Variants in ZFAT observed in about 807,000 individuals in gnomAD.
ZFAT encodes zinc finger and AT-hook domain containing, also known as zinc finger protein ZFAT.
Under a neutral mutation model 117.7 loss-of-function variants are expected in ZFAT, and 64 were observed. The ratio of observed to expected loss-of-function variants is 0.54; its 90% CI spans 0.44 to 0.67. ZFAT has a LOEUF of 0.67. Among genes scored for constraint, ZFAT ranks in the 30% least tolerant of loss-of-function variants. ZFAT has a pLI of 0.00. For synonymous variants in ZFAT, 679 were observed against 615.0 expected (o/e 1.10, Z -1.54); for missense variants, 1,433 against 1,584.5 (o/e 0.90, Z 1.62).
chr8:134,588,246 C>T lies in ZFAT; in HGVS notation c.2713G>A (p.Gly905Ser). The change falls in exon 9 of 16, where the codon GGT becomes AGT. Residue 905 changes from glycine (G) to serine (S), a missense_variant and splice_region_variant. Physicochemically the swap from Gly to Ser is moderately conservative, Grantham distance 56. Around this residue, in one of 5 missense-constraint regions of ZFAT, gnomAD observed 503 missense variants for 543.4 expected, o/e 0.93. Transcript: ENST00000377838. The stretch of plus-strand genomic sequence containing the variant: ...CCAATTTGGAAAGATGAATACTCAC[C>T]TTCATGAGCCCAAATATGACGCTGA... ...DLQRHIWAHEGVKPFKCSLCE... is the reference protein window; with the variant it reads ...DLQRHIWAHESVKPFKCSLCE... The T allele has an allele frequency of 3.8e-6, 6 of 1,558,914 alleles. No homozygotes were observed. Among genetic ancestry groups the T allele is most frequent in the Non-Finnish European group, 5.2e-6 (6 of 1,151,348 alleles).
At chr8:134,604,444 T>A (rs76435481) in intron 5 of ZFAT, among the ~76,000 whole-genome samples, 1 of 152,210 alleles carries the variant, frequency 6.6e-6, no homozygotes, top group African/African-American at 2.4e-5. Flanking sequence ...GGCCAAGCCT[T>A]GTTTCTGAAA....
chr8:134,493,064 T>C (rs1818166165), intron 15 of ZFAT, among the ~76,000 whole-genome samples: 1 of 152,198 alleles, frequency 6.6e-6, no homozygotes, highest in East Asian at 1.9e-4. Flanking sequence ...TTTTTTGTCT[T>C]GGTTGTAAGT....
At chr8:134,741,099 C>A in the ZFAT span, among the ~76,000 whole-genome samples, 2 of 152,138 alleles carry the variant, frequency 1.3e-5, no homozygotes, top group Admixed American at 6.5e-5. Context: ...GTTTTAAATT[C>A]AGAGCCCCTC....
chr8:134,560,764 CA>C (rs1421808759), intron 11 of ZFAT, among the ~76,000 whole-genome samples: 1 of 151,870 alleles, frequency 6.6e-6, no homozygotes, highest in Admixed American at 6.6e-5. Flanking sequence ...TGGAAGAAAG[CA>C]AAGAGTTGAA....
chr8:134,488,454 T>C (rs896682662), intron 15 of ZFAT, among the ~76,000 whole-genome samples: 1 of 152,190 alleles, frequency 6.6e-6, no homozygotes, highest in Non-Finnish European at 1.5e-5. Flanking sequence ...CAAATCGAGG[T>C]GGCCTCTGTG....
rs555422223 is a variant in ZFAT at position 134,515,907 on chromosome 8, C to A, written c.3235-3306G>T. Among the ~76,000 whole-genome samples the A allele has an allele frequency of 1.2e-4, 18 of 152,340 alleles. No individual in the cohort carries two copies. In the South Asian group the frequency reaches 3.7e-3, roughly 32 times the overall value. ...ATAAAACTCATCCAAAAAAGAACTA[C>A]AATGCTCCTGTCACACTCAAAAACT... On this transcript the variant is annotated intron_variant, in intron 13 of 15. Coordinates refer to ENST00000377838, the MANE Select transcript of ZFAT (RefSeq NM_020863.4).
intron 11 of ZFAT, among the ~76,000 whole-genome samples, chr8:134,561,199 G>A (rs1287420086): frequency 6.6e-6 from 1 of 152,230 alleles, no homozygotes; most frequent in Non-Finnish European, 1.5e-5. Flanking sequence ...GTTACACTAT[G>A]ATAATCATCC....
At chr8:134,586,994 C>T (rs1826113602) in intron 9 of ZFAT, among the ~76,000 whole-genome samples, 1 of 152,204 alleles carries the variant, frequency 6.6e-6, no homozygotes, top group Non-Finnish European at 1.5e-5. Context: ...AAACACTGAG[C>T]ACTGGCATCT....
intron 15 of ZFAT, among the ~76,000 whole-genome samples, chr8:134,490,160 G>C (rs1239624297): frequency 3.3e-5 from 5 of 152,190 alleles, no homozygotes; most frequent in Admixed American, 3.3e-4. Flanking sequence ...CTGTGCCTCA[G>C]TTTACCACCT....
the ZFAT span, among the ~76,000 whole-genome samples, chr8:134,788,972 CT>C: frequency 1.3e-3 from 198 of 151,990 alleles, 1 homozygote; most frequent in East Asian, 0.026. Flanking sequence ...AAGTATGCCT[CT>C]TGTAAGCAAC....
At position 134,590,370 on chromosome 8, in the gene ZFAT, A is replaced by T. The variant is rs1210513564; in HGVS notation, c.2476-15T>A. 5 of 1,587,642 alleles carry T rather than the reference A, an allele frequency of 3.1e-6. No homozygotes were observed. Among genetic ancestry groups the T allele is most frequent in the Non-Finnish European group, 4.3e-6 (5 of 1,160,864 alleles). On this transcript the variant is annotated splice_polypyrimidine_tract_variant and intron_variant, in intron 7 of 15. Coordinates refer to ENST00000377838, the MANE Select transcript of ZFAT (RefSeq NM_020863.4). Reference sequence around the variant, plus strand: ...CTCCTTTTGTCCTTAATAGAAAGAGAACATAATCAGTTGACTTTCTCATTT... The same window carrying T: ...CTCCTTTTGTCCTTAATAGAAAGAGTACATAATCAGTTGACTTTCTCATTT...
chr8:134,822,863 T>C, the ZFAT span, among the ~76,000 whole-genome samples: 7 of 152,234 alleles, frequency 4.6e-5, no homozygotes, highest in South Asian at 2.1e-4. Flanking sequence ...AGCGGCTTCA[T>C]TGACTTAGGA....
At chr8:134,676,966 T>C (rs1001391998) in intron 1 of ZFAT, among the ~76,000 whole-genome samples, 2 of 152,192 alleles carry the variant, frequency 1.3e-5, no homozygotes, top group South Asian at 2.1e-4. Context: ...GGGAAATTTA[T>C]AGCACTAAAT....
intron 1 of ZFAT, among the ~76,000 whole-genome samples, chr8:134,686,326 G>T (rs1833323847): frequency 6.6e-6 from 1 of 152,192 alleles, no homozygotes; most frequent in African/African-American, 2.4e-5. Flanking sequence ...CAACCACCCT[G>T]CCCTGAGTCC....
intron 11 of ZFAT, among the ~76,000 whole-genome samples, chr8:134,537,744 T>C (rs1457905404): frequency 1.3e-5 from 2 of 152,158 alleles, no homozygotes; most frequent in Admixed American, 6.5e-5. Flanking sequence ...TGCAGTGGTA[T>C]GGACGAGAGA....
At chr8:134,711,339 G>A (rs1261764382) in intron 1 of ZFAT, among the ~76,000 whole-genome samples, 1 of 152,212 alleles carries the variant, frequency 6.6e-6, no homozygotes, top group East Asian at 1.9e-4. Flanking sequence ...CCTCATGTCA[G>A]TGCTCAAAGT....
At position 134,563,697 on chromosome 8, in the gene ZFAT, G is replaced by A. The variant is rs1824216020; in HGVS notation, c.2976+1636C>T. ...GTATTTCAAAGACGGAAGATAATAT[G>A]TACCATGAAGGAGATTCTAGATGAT... On this transcript the variant is annotated intron_variant, in intron 11 of 15. Transcript: ENST00000377838. Among the ~76,000 whole-genome samples the A allele has an allele frequency of 2.0e-5, 3 of 152,208 alleles. 1 individual carries two copies. Among genetic ancestry groups the A allele is most frequent in the Admixed American group, 2.0e-4 (3 of 15,282 alleles).
the ZFAT span, among the ~76,000 whole-genome samples, chr8:134,823,995 T>G: frequency 6.6e-6 from 1 of 152,222 alleles, no homozygotes; most frequent in East Asian, 1.9e-4. Flanking sequence ...ACTTCTCAAA[T>G]TCTAAATGCA....
At chr8:134,825,220 G>A in the ZFAT span, among the ~76,000 whole-genome samples, 1 of 152,168 alleles carries the variant, frequency 6.6e-6, no homozygotes, top group South Asian at 2.1e-4. Flanking sequence ...ACAGTGAGAA[G>A]CGTGAATTAA....
Sources: allele counts gnomAD v4.1 joint callset (sites outside exome capture counted in the v4.1 genomes callset), GRCh38; gene constraint gnomAD v4.1.1; regional missense constraint gnomAD v4.1.1; transcripts MANE v1.5; gene names NCBI Gene and HGNC (gene_info 2026-07-23, HGNC 2026-07-21).